CAMTA2: variants seen among roughly 807,000 people sequenced by gnomAD.
CAMTA2 encodes the protein calmodulin binding transcription activator 2, also known as calmodulin-binding transcription activator 2.
A neutral mutation model predicts 135.7 loss-of-function variants in CAMTA2; 56 were observed. That is an observed-to-expected ratio of 0.41 (90% CI 0.33 to 0.52). The LOEUF (loss-of-function observed/expected upper bound fraction) is 0.52. CAMTA2 is among the 20% of genes least tolerant of loss of function. CAMTA2 has a pLI of 0.16. For synonymous variants in CAMTA2, 591 were observed against 604.6 expected, an observed-to-expected ratio of 0.98 and a Z score of 0.33; for missense variants, 1,358 against 1,553.4, an observed-to-expected ratio of 0.87 and a Z score of 2.11.
Position 4,968,901 on chromosome 17 carries a change from G to T in CAMTA2, c.3545+6C>A. On this transcript the variant is annotated splice_donor_region_variant and intron_variant, in intron 22 of 22. Transcript: ENST00000348066. The stretch of plus-strand genomic sequence containing the variant: ...GCAAAAGCCCAGGGGGAGAAGGGAT[G>T]AGTACCTGTGTCGGCAGCGCCGCAG... The T allele has an allele frequency of 6.2e-7, 1 of 1,614,048 alleles. No individual in the cohort carries two copies. The highest frequency in any genetic ancestry group is 1.1e-5 in the South Asian group (1 of 91,060).
chr17:4,968,795 C>T lies in CAMTA2; in HGVS notation c.3570G>A (p.Gln1190=). The change falls in exon 23 of 23, where the codon CAG becomes CAA. Residue 1190 remains glutamine, a synonymous_variant. Transcript: ENST00000348066. ...CCGGCTGGGGAAGCCCTTCCAGCTC[C>T]TGGTTCTGCTTCAGTTCCCTCATCC... ...RHRMRELKQN[Q]ELEGLPQPGL... is the part of the protein sequence containing the mutation. The T allele has an allele frequency of 6.2e-7, 1 of 1,614,178 alleles. No individual in the cohort carries two copies.
chr17:4,987,000 G>A, intron 1 of CAMTA2: 1 of 1,454,040 alleles, frequency 6.9e-7, no homozygotes. Flanking sequence ...CCCTCCTCGG[G>A]GAACAGATGG....
chr17:4,970,444 G>C lies in CAMTA2; in HGVS notation c.2901C>G (p.Ala967=). Residue 967 remains alanine, a synonymous_variant, in exon 17 of 23, where the codon GCC becomes GCG. Coordinates refer to ENST00000348066, the MANE Select transcript of CAMTA2 (RefSeq NM_015099.4). ...EDFVGLPEAG[A]SMRERTGAVG... ...CAGCCCCTGTCCGCTCCCGCATTGA[G>C]GCTCCAGCCTCGGGCAGCCCCACGA... is the stretch of plus-strand genomic sequence containing the variant. 1 of 1,614,102 alleles carries C rather than the reference G, an allele frequency of 6.2e-7. No homozygotes were observed. The highest frequency in any genetic ancestry group is 8.5e-7 in the Non-Finnish European group (1 of 1,180,004).
Position 4,968,061 on chromosome 17 carries a change from T to G in CAMTA2, c.*695A>C. On this transcript the variant is annotated 3_prime_UTR_variant, in exon 23 of 23. Transcript: ENST00000348066. ...CCCATGCACAAGTAGAAAGTGCCCG[T>G]GGAGCCGGCAGGAGGCCCCCGCCGC... is the stretch of plus-strand genomic sequence containing the variant. 1.9e-6 allele frequency: 1 copy of G among 513,584 alleles called. No homozygotes were observed. The highest frequency in any genetic ancestry group is 3.5e-6 in the Non-Finnish European group (1 of 287,120). 31.8% of individuals were successfully genotyped at this position (513,584 alleles called of 1,614,324 possible).
intron 12 of CAMTA2, chr17:4,974,088 T>A: frequency 3.8e-6 from 2 of 524,662 alleles, no homozygotes. Context: ...TTTCAGAAAC[T>A]TGGGACCCAC....
At position 4,968,016 on chromosome 17, in the gene CAMTA2, G is replaced by A. The variant is rs1280188138; in HGVS notation, c.*740C>T. ...GCTGGCTGGTGCAGCGATGTTTAAT[G>A]GCAATTCGTATAAACCAAGCCCATG... On this transcript the variant is annotated 3_prime_UTR_variant, in exon 23 of 23. Coordinates refer to ENST00000348066, the MANE Select transcript of CAMTA2 (RefSeq NM_015099.4). The A allele has an allele frequency of 3.4e-6, 2 of 581,728 alleles. No homozygotes were observed. The highest frequency in any genetic ancestry group is 3.7e-5 in the African/African-American group (2 of 53,368). 36.0% of individuals were successfully genotyped at this position (581,728 alleles called of 1,614,324 possible).
Position 4,982,831 on chromosome 17 carries a change from A to C in CAMTA2, c.265T>G (p.Tyr89Asp). ...RKKVKYRKDG[Y>D]LWKKRKDGKT... ...CCATCCTTCCGCTTCTTCCAGAGGT[A>C]ACCATCCTTCCGATATTTCACCTTC... Residue 89 changes from tyrosine to aspartate, a missense_variant, in exon 5 of 23, where the codon TAC (tyrosine) becomes GAC (aspartate). Transcript: ENST00000348066. 1 of 1,614,122 alleles carries C rather than the reference A, an allele frequency of 6.2e-7. No individual in the cohort carries two copies. Among genetic ancestry groups the C allele is most frequent in the Non-Finnish European group, 8.5e-7 (1 of 1,180,014 alleles).
rs534263713 is a variant in CAMTA2, at chr17:4,981,474, G to A, written c.566-115C>T. On this transcript the variant is annotated intron_variant, in intron 7 of 22. Transcript: ENST00000348066. ...AAGACTTCTGGCCAGGTGAACAGAG[G>A]CCAGCAGCCTCAAGACTGCTCAGAT... The A allele has an allele frequency of 5.6e-6, 8 of 1,440,622 alleles. No individual in the cohort carries two copies. In the African/African-American group the frequency reaches 1.1e-4, roughly 20 times the overall value. The allele number at this position is 1,440,622 out of a possible 1,614,324, so 89.2% of individuals were successfully genotyped here.
chr17:4,981,277 G>C lies in CAMTA2; in HGVS notation c.648C>G (p.His216Gln), dbSNP rs761964638. 1.4e-5 allele frequency: 22 copies of C among 1,614,022 alleles called. No individual in the cohort carries two copies. The highest frequency in any genetic ancestry group is 1.7e-5 in the Non-Finnish European group (20 of 1,180,006). Residue 216 changes from histidine to glutamine, a missense_variant, in exon 8 of 23, where the codon CAC (histidine) becomes CAG (glutamine). His to Gln is a conservative substitution (Grantham distance 24, BLOSUM62 0). Around this residue, in one of 4 missense-constraint regions of CAMTA2, gnomAD observed 1,077 missense variants for 1,127.5 expected, o/e 0.96. Transcript: ENST00000348066. ...GGGTTCGGGGAGCAGGCTTGGTTGG[G>C]TGGGTGTCCAAAATCTGCTGCACCA... ...EHLVQQILDT[H>Q]PTKPAPRTHA...
At position 4,980,230 on chromosome 17, in the gene CAMTA2, A is replaced by C; in HGVS notation, c.1092T>G (p.Pro364=). The change falls in exon 9 of 23, where the codon CCT becomes CCG. Residue 364 remains proline (P), a synonymous_variant. Coordinates refer to ENST00000348066, the MANE Select transcript of CAMTA2 (RefSeq NM_015099.4). This position sits in a 1 kb window ranked among gnomAD's most constrained non-coding sequence, Gnocchi z 5.3. ...GACTGGGAGGAGCTGGTGGGGCAGAAGGCTCAGTGCCTACAACCACTGCCA... is the reference window on the plus strand; with the variant it reads ...GACTGGGAGGAGCTGGTGGGGCAGACGGCTCAGTGCCTACAACCACTGCCA... ...MSLAVVVGTE[P]SAPPAPPSPA... 4 of 1,577,592 alleles carry C rather than the reference A, an allele frequency of 2.5e-6. No homozygotes were observed. The highest frequency in any genetic ancestry group is 3.4e-6 in the Non-Finnish European group (4 of 1,160,572).
In CAMTA2 at chr17:4,969,623, G is replaced by T. The variant is rs778938109; in HGVS notation, c.3261+7C>A. ...CTGGTTACACTTTTGAGGGAGAAGG[G>T]TCTCACCTGCTTGTACTTCCGGTAA... On this transcript the variant is annotated splice_region_variant and intron_variant, in intron 19 of 22. Transcript: ENST00000348066. The surrounding 1 kb of genome is among the most constrained non-coding windows in gnomAD (Gnocchi z 5.6). 3 of 1,613,952 alleles carry T rather than the reference G, an allele frequency of 1.9e-6. No individual in the cohort carries two copies. The highest frequency in any genetic ancestry group is 2.7e-5 in the African/African-American group (2 of 74,872).
chr17:4,973,047 T>C lies in CAMTA2; in HGVS notation c.2281-56A>G, dbSNP rs1019741242. On this transcript the variant is annotated intron_variant, in intron 14 of 22. Coordinates refer to ENST00000348066, the MANE Select transcript of CAMTA2 (RefSeq NM_015099.4). ...GAGGTGGAGGTGAGGCCAGGGGCTC[T>C]TCCTCCAGGTAGTCAGGTCTTCAGG... 3 of 1,518,454 alleles carry C rather than the reference T, an allele frequency of 2.0e-6. No individual in the cohort carries two copies. The African/African-American group carries it at 4.1e-5, about 21-fold the overall frequency. 94.1% of individuals were successfully genotyped at this position (1,518,454 alleles called of 1,614,324 possible).
At position 4,972,761 on chromosome 17, in the gene CAMTA2, AC is replaced by A. The variant is rs770339079; in HGVS notation, c.2503+7del. The A allele has an allele frequency of 1.2e-6, 2 of 1,611,618 alleles. No homozygotes were observed. The highest frequency in any genetic ancestry group is 2.7e-5 in the African/African-American group (2 of 74,806). ...TCCCTCTCTCCAAAAGATTAGGGCC[AC>A]CCTCACCAGTGTCTGGGCTGGAGGA... On this transcript the variant is annotated splice_region_variant and intron_variant, in intron 15 of 22. Transcript: ENST00000348066.
In CAMTA2 at chr17:4,980,190, C is replaced by T. The variant is rs1299043618; in HGVS notation, c.1132G>A (p.Asp378Asn). The T allele has an allele frequency of 3.2e-6, 5 of 1,575,462 alleles. No individual in the cohort carries two copies. Among genetic ancestry groups the T allele is most frequent in the Non-Finnish European group, 4.3e-6 (5 of 1,160,804 alleles). ...PAPPSPAFDPDRFLNSPQRGQ... is the reference protein window; with the variant it reads ...PAPPSPAFDPNRFLNSPQRGQ... ...CTCTGGGGGCTGTTGAGAAAACGAT[C>T]AGGGTCAAAGGCAGGACTGGGAGGA... is the stretch of plus-strand genomic sequence containing the variant. The change falls in exon 9 of 23, where the codon GAT becomes AAT. Residue 378 changes from aspartate (D) to asparagine (N), a missense_variant. Asp to Asn is a conservative substitution (Grantham distance 23). Transcript: ENST00000348066. The surrounding 1 kb of genome is among the most constrained non-coding windows in gnomAD (Gnocchi z 5.3).
In CAMTA2 at chr17:4,980,070, C is replaced by A; in HGVS notation, c.1252G>T (p.Ala418Ser). ...TPCSALEPAA[A>S]LEPQAAARGP... Reference sequence around the variant, plus strand: ...CGAGCAGCTGCCTGGGGCTCCAGGGCAGCAGCAGGCTCTAGGGCAGAACAG... The same window carrying A: ...CGAGCAGCTGCCTGGGGCTCCAGGGAAGCAGCAGGCTCTAGGGCAGAACAG... The change falls in exon 9 of 23, where the codon GCC becomes TCC. Residue 418 changes from alanine to serine, a missense_variant. Physicochemically the swap from Ala to Ser is moderately conservative, Grantham distance 99. Coordinates refer to ENST00000348066, the MANE Select transcript of CAMTA2 (RefSeq NM_015099.4). This position sits in a 1 kb window ranked among gnomAD's most constrained non-coding sequence, Gnocchi z 5.3. The A allele has an allele frequency of 1.9e-6, 3 of 1,613,696 alleles. No individual in the cohort carries two copies. Among genetic ancestry groups the A allele is most frequent in the Non-Finnish European group, 2.5e-6 (3 of 1,179,846 alleles).
intron 10 of CAMTA2, 102 bp from the exon 11 acceptor site, chr17:4,977,294 T>A: frequency 1.4e-6 from 2 of 1,428,592 alleles, no homozygotes; most frequent in South Asian, 1.3e-5. Flanking sequence ...TTTCCCCTAC[T>A]GCCCTGCTGT....
chr17:4,986,686 G>A, intron 1 of CAMTA2: 2 of 546,586 alleles, frequency 3.7e-6, no homozygotes, highest in Non-Finnish European at 6.4e-6. Context: ...TGGGGGCAGG[G>A]CAGGAGATTC....
chr17:4,971,635 G>A (rs889484908), intron 16 of CAMTA2, among the ~76,000 whole-genome samples: 4 of 151,466 alleles, frequency 2.6e-5, no homozygotes, highest in Non-Finnish European at 5.9e-5. Flanking sequence ...GTGAGCCACC[G>A]CACCCAGCCA....
rs578203446 is a variant in CAMTA2, at chr17:4,970,569, G to C, written c.2809-33C>G. On this transcript the variant is annotated intron_variant, in intron 16 of 22. Coordinates refer to ENST00000348066, the MANE Select transcript of CAMTA2 (RefSeq NM_015099.4). The stretch of plus-strand genomic sequence containing the variant: ...AAGGGAGAAGCTGAGTGAGTCCTTA[G>C]GGGCCCCAGCTGCCAGCTGTAACCT... The C allele has an allele frequency of 9.4e-6, 15 of 1,589,134 alleles. 1 individual carries two copies. The South Asian group carries it at 1.7e-4, about 17-fold the overall frequency.
Sources: allele counts gnomAD v4.1 joint callset (sites outside exome capture counted in the v4.1 genomes callset), GRCh38; gene constraint gnomAD v4.1.1; regional missense constraint gnomAD v4.1.1; non-coding constraint Gnocchi (gnomAD v3.1); transcripts MANE v1.5; gene names NCBI Gene and HGNC (gene_info 2026-07-23, HGNC 2026-07-21).